Variants in MALRD1 observed in about 807,000 individuals in gnomAD.
MALRD1 encodes the protein MAM and LDL receptor class A domain containing 1.
A neutral mutation model predicts 242.1 loss-of-function variants in MALRD1; 247 were observed. The observed-to-expected ratio is 1.02, with a 90% CI of 0.92 to 1.13. MALRD1 has a LOEUF of 1.13. MALRD1 is among the 50% of genes most tolerant of loss of function. The pLI, the probability that MALRD1 is intolerant of heterozygous loss-of-function variation, is 0.00. For synonymous variants in MALRD1, 995 were observed against 866.6 expected, an observed-to-expected ratio of 1.15 and a Z score of -2.60; for missense variants, 2,989 against 2,533.1, an observed-to-expected ratio of 1.18 and a Z score of -3.86.
chr10:19,604,127 C>A (rs1448262266), intron 34 of MALRD1, among the ~76,000 whole-genome samples: 1 of 152,068 alleles, frequency 6.6e-6, no homozygotes, highest in East Asian at 1.9e-4. Flanking sequence ...GCCTCTTGCT[C>A]CAAACAGCCA....
chr10:19,559,237 C>A (rs557302981), intron 32 of MALRD1, among the ~76,000 whole-genome samples: 1 of 151,736 alleles, frequency 6.6e-6, no homozygotes, highest in Non-Finnish European at 1.5e-5. Flanking sequence ...TTTTAAAATT[C>A]ATGGGATCAG....
In MALRD1 at chr10:19,213,668, T is replaced by A. The variant is rs74118868; in HGVS notation, c.2991+3988T>A. ...GTTCTGACTGAGTGATTTTTCTCCT[T>A]ATTATGAGCCACGTTCTTCTGTCTT... On this transcript the variant is annotated intron_variant, in intron 18 of 39. Transcript: ENST00000454679. 9.6e-3 allele frequency among the ~76,000 whole-genome samples: 1,457 copies of A among 152,326 alleles called. 28 individuals are homozygous for A. The highest frequency in any genetic ancestry group is 0.033 in the African/African-American group (1,374 of 41,580).
At chr10:19,612,278 T>C (rs16919159) in intron 35 of MALRD1, among the ~76,000 whole-genome samples, 4,594 of 152,056 alleles carry the variant, frequency 0.03, 194 homozygotes, top group African/African-American at 0.096. Context: ...ATGTTTGTTC[T>C]GTTCAGAGGA....
intron 33 of MALRD1, among the ~76,000 whole-genome samples, chr10:19,584,961 T>C (rs1837313251): frequency 6.6e-6 from 1 of 152,136 alleles, no homozygotes; most frequent in Admixed American, 6.5e-5. Flanking sequence ...GTTGAATTGA[T>C]CCCTTTACCA....
chr10:19,256,709 A>G (rs989170797), intron 18 of MALRD1, among the ~76,000 whole-genome samples: 15 of 152,094 alleles, frequency 9.9e-5, no homozygotes, highest in Non-Finnish European at 2.9e-5. Flanking sequence ...GAGGTCAGCA[A>G]TTTGACCTTT....
intron 12 of MALRD1, among the ~76,000 whole-genome samples, chr10:19,164,882 C>A (rs974725804): frequency 6.6e-6 from 1 of 151,674 alleles, no homozygotes; most frequent in South Asian, 2.1e-4. Context: ...GCCTCCCTAC[C>A]CTCAAAGAAT....
intron 31 of MALRD1, among the ~76,000 whole-genome samples, chr10:19,499,038 G>T (rs1464944650): frequency 6.6e-6 from 1 of 152,132 alleles, no homozygotes; most frequent in Non-Finnish European, 1.5e-5. Context: ...CAATGAAATG[G>T]CTGACCACCA....
At position 19,329,295 on chromosome 10, in the gene MALRD1, A is replaced by T. The variant is rs1211502333; in HGVS notation, c.3687+1622A>T. Among the ~76,000 whole-genome samples, 2 of 152,106 alleles carry T rather than the reference A, an allele frequency of 1.3e-5. 1 individual carries two copies. The highest frequency in any genetic ancestry group is 4.1e-4 in the South Asian group (2 of 4,836). On this transcript the variant is annotated intron_variant, in intron 23 of 39. Coordinates refer to ENST00000454679, the MANE Select transcript of MALRD1 (RefSeq NM_001142308.3). ...TCGTGATTCTGCCATTTTTTACAAG[A>T]TCGTTCTCTTTAGTCTCACAAAGAA...
chr10:19,190,601 G>A (rs1257916002), intron 14 of MALRD1, among the ~76,000 whole-genome samples: 1 of 150,088 alleles, frequency 6.7e-6, no homozygotes, highest in East Asian at 1.9e-4. Flanking sequence ...CCAATGTATA[G>A]ATCAGTGGAA....
At chr10:19,511,860 A>C (rs1456834372) in intron 31 of MALRD1, among the ~76,000 whole-genome samples, 1 of 152,134 alleles carries the variant, frequency 6.6e-6, no homozygotes, top group East Asian at 1.9e-4. Flanking sequence ...AAAATAAAAA[A>C]GACAAAGTTT....
intron 28 of MALRD1, among the ~76,000 whole-genome samples, chr10:19,442,297 C>G (rs1252445428): frequency 6.6e-6 from 1 of 152,168 alleles, no homozygotes; most frequent in Non-Finnish European, 1.5e-5. Context: ...AATTTGACTT[C>G]CTTTTTTCCT....
At chr10:19,519,130 C>G (rs1401082028) in intron 31 of MALRD1, among the ~76,000 whole-genome samples, 1 of 151,976 alleles carries the variant, frequency 6.6e-6, no homozygotes, top group Non-Finnish European at 1.5e-5. Flanking sequence ...TTCTAATTTT[C>G]TTTCATTGTC....
chr10:19,351,704 A>C (rs1844384001), intron 25 of MALRD1, among the ~76,000 whole-genome samples: 1 of 152,224 alleles, frequency 6.6e-6, no homozygotes, highest in Non-Finnish European at 1.5e-5. Context: ...AATGGGCTCT[A>C]AGAGTTTATG....
chr10:19,109,009 A>G (rs933446297), intron 5 of MALRD1, among the ~76,000 whole-genome samples: 2 of 152,180 alleles, frequency 1.3e-5, no homozygotes, highest in Admixed American at 1.3e-4. Context: ...TATTGGTTAG[A>G]TAGGGTACCT....
chr10:19,663,476 G>T (rs542856197), intron 36 of MALRD1, among the ~76,000 whole-genome samples: 31 of 152,244 alleles, frequency 2.0e-4, no homozygotes, highest in Non-Finnish European at 3.7e-4. Context: ...GAATAGTGCT[G>T]CAGTGAACAT....
At chr10:19,700,027 C>T (rs1408006239) in intron 38 of MALRD1, among the ~76,000 whole-genome samples, 18 of 144,044 alleles carry the variant, frequency 1.2e-4, no homozygotes, top group African/African-American at 4.0e-4. Context: ...TTTAGACACA[C>T]ACACACACAC....
chr10:19,526,002 C>T (rs1057375838), intron 31 of MALRD1, among the ~76,000 whole-genome samples: 30 of 152,066 alleles, frequency 2.0e-4, no homozygotes, highest in Admixed American at 1.4e-3. Context: ...ATAAATAAAG[C>T]GAGTTGGTTT....
chr10:19,378,204 A>G (rs1845689881), intron 26 of MALRD1, among the ~76,000 whole-genome samples: 1 of 152,166 alleles, frequency 6.6e-6, no homozygotes, highest in Non-Finnish European at 1.5e-5. Context: ...CAAAGCTTAA[A>G]CAATATGTAT....
At position 19,209,665 on chromosome 10, in the gene MALRD1, C is replaced by A; in HGVS notation, c.2976C>A (p.Ser992Arg). The part of the protein sequence containing the change: ...RWIRKHLNIS[S>R]RQPFQILVEA... ...TTAGGAAACACCTCAACATTTCCAG[C>A]AGGCAGCCCTTTCAGGTATGGATAA... The change falls in exon 18 of 40, where the codon AGC becomes AGA. Residue 992 changes from serine to arginine, a missense_variant. Ser to Arg is a moderately radical substitution (Grantham distance 110, BLOSUM62 -1). Transcript: ENST00000454679. The A allele has an allele frequency of 6.5e-7, 1 of 1,548,356 alleles. No individual in the cohort carries two copies. Among genetic ancestry groups the A allele is most frequent in the Non-Finnish European group, 8.7e-7 (1 of 1,145,700 alleles).
Sources: gnomAD v4.1 joint callset for allele counts (sites outside exome capture counted in the v4.1 genomes callset) on GRCh38, gnomAD v4.1.1 for gene constraint, MANE v1.5 for transcripts, NCBI Gene and HGNC (gene_info 2026-07-23, HGNC 2026-07-21) for gene names.